Variants in IRX4 observed in about 807,000 individuals in gnomAD.
IRX4 encodes iroquois homeobox 4.
In IRX4, 22 loss-of-function variants were observed where a neutral mutation model predicts 32.0. The observed-to-expected ratio is 0.69, with a 90% CI of 0.49 to 0.98. The LOEUF (loss-of-function observed/expected upper bound fraction) is 0.98, where lower values mean the gene tolerates loss of function less well. IRX4 is among the 50% of genes least tolerant of loss of function. The probability of loss-of-function intolerance (pLI) is 0.00; values close to 1 mark genes in which losing one functional copy is unlikely to be tolerated. For synonymous variants in IRX4, 379 were observed against 351.7 expected (o/e 1.08, Z -0.87); for missense variants, 840 against 744.2 (o/e 1.13, Z -1.50).
At position 1,880,803 on chromosome 5, in the gene IRX4, G is replaced by C. The variant is rs775005577; in HGVS notation, c.329C>G (p.Ser110Cys). ...NSFDSKDGSG[S>C]AHGGLAPAAA... ...GGCTGGTGCCAGGCCCCCATGCGCA[G>C]ATCCCGAACCATCCTTGGAATCAAA... The change falls in exon 3 of 5, where the codon TCT (serine) becomes TGT (cysteine). Residue 110 changes from serine (S) to cysteine (C), a missense_variant. Coordinates refer to ENST00000231357, the MANE Select transcript of IRX4 (RefSeq NM_016358.3). The C allele has an allele frequency of 6.2e-7, 1 of 1,613,764 alleles. No homozygotes were observed. The highest frequency in any genetic ancestry group is 1.7e-5 in the Admixed American group (1 of 60,022).
upstream of IRX4, among the ~76,000 whole-genome samples, chr5:1,885,205 C>T (rs1002867334): frequency 6.6e-6 from 1 of 152,206 alleles, no homozygotes; most frequent in African/African-American, 2.4e-5. Flanking sequence ...GCATTTCCTT[C>T]CTTCCAGACC....
chr5:1,881,560 C>G (rs1735439275), intron 2 of IRX4, among the ~76,000 whole-genome samples: 1 of 148,644 alleles, frequency 6.7e-6, no homozygotes. Context: ...AATCTGCCAG[C>G]TGATGAGGAT....
upstream of IRX4, among the ~76,000 whole-genome samples, chr5:1,886,410 CCG>C (rs1299093052): frequency 1.3e-5 from 2 of 152,260 alleles, no homozygotes; most frequent in Non-Finnish European, 2.9e-5. Flanking sequence ...CTCGGGACAC[CCG>C]GCTGGGGTGT....
chr5:1,878,468 A>G lies in IRX4; in HGVS notation c.1061T>C (p.Val354Ala). The G allele has an allele frequency of 6.9e-7, 1 of 1,452,382 alleles. No homozygotes were observed. Among genetic ancestry groups the G allele is most frequent in the Non-Finnish European group, 9.0e-7 (1 of 1,108,512 alleles). The allele number at this position is 1,452,382 out of a possible 1,614,324, so 90.0% of individuals were successfully genotyped here. ...CAGGCCTGCCGACGCCCCCGCCGGCACAAACCCCAGCTTGGCCTCGCAGAC... is the reference window on the plus strand; with the variant it reads ...CAGGCCTGCCGACGCCCCCGCCGGCGCAAACCCCAGCTTGGCCTCGCAGAC... ...PQVCEAKLGF[V>A]PAGASAGLEA... Residue 354 changes from valine (V) to alanine (A), a missense_variant, in exon 5 of 5, where the codon GTG becomes GCG. By Grantham distance (64) the Val-to-Ala change is moderately conservative (BLOSUM62 0). Transcript: ENST00000231357.
chr5:1,880,581 G>C, intron 3 of IRX4, 144 bp downstream of exon 3: 1 of 629,162 alleles, frequency 1.6e-6, no homozygotes, highest in South Asian at 1.9e-5. Context: ...ACAGACCACA[G>C]ACTCAGGTCA....
upstream of IRX4, among the ~76,000 whole-genome samples, chr5:1,886,523 G>A (rs1343838116): frequency 2.0e-5 from 3 of 152,202 alleles, no homozygotes; most frequent in African/African-American, 7.2e-5. Context: ...GCCAGTGGTA[G>A]GAGAAGGAGC....
upstream of IRX4, chr5:1,886,725 G>A (rs1485889750): frequency 6.6e-6 from 1 of 150,394 alleles, no homozygotes; most frequent in African/African-American, 2.5e-5. Flanking sequence ...GCCCCGCGCC[G>A]GCCCGCGCAC....
chr5:1,885,416 C>T (rs1332379641), upstream of IRX4, among the ~76,000 whole-genome samples: 2 of 152,188 alleles, frequency 1.3e-5, no homozygotes, highest in Non-Finnish European at 2.9e-5. Flanking sequence ...GCTCCAGTCC[C>T]CACCAGCGGG....
intron 1 of IRX4, 55 bp from the exon 2 acceptor site, chr5:1,882,114 T>C: frequency 3.3e-6 from 5 of 1,515,372 alleles, no homozygotes; most frequent in Non-Finnish European, 4.4e-6. Flanking sequence ...GCTGGGGCCC[T>C]GGGCCTTGCC....
At position 1,878,784 on chromosome 5, in the gene IRX4, C is replaced by T; in HGVS notation, c.745G>A (p.Gly249Ser). 5.0e-6 allele frequency: 8 copies of T among 1,613,250 alleles called. No individual in the cohort carries two copies. Among genetic ancestry groups the T allele is most frequent in the Non-Finnish European group, 6.8e-6 (8 of 1,179,882 alleles). ...AGCTCCAGCTCCTTCTCCTCTTTGC[C>T]CACGGGCTCTGCGGGAGAGAATGCG... Reference protein sequence around the residue: ...LKSSKNAEPVGKEEKELELSD... With the variant: ...LKSSKNAEPVSKEEKELELSD... The change falls in exon 5 of 5, where the codon GGC (glycine) becomes AGC (serine). Residue 249 changes from glycine (G) to serine (S), a missense_variant. Physicochemically the swap from Gly to Ser is moderately conservative, Grantham distance 56. Transcript: ENST00000231357.
At chr5:1,879,431 T>TC in intron 4 of IRX4, 73 bp downstream of exon 4, 1 of 1,607,496 alleles carries the variant, frequency 6.2e-7, no homozygotes, top group South Asian at 1.1e-5. Context: ...CCCCAAGACG[T>TC]CCTAGAACCG....
chr5:1,879,786 C>G lies in IRX4; in HGVS notation c.454G>C (p.Glu152Gln). 1.2e-6 allele frequency: 2 copies of G among 1,614,118 alleles called. No homozygotes were observed. Among genetic ancestry groups the G allele is most frequent in the Non-Finnish European group, 1.7e-6 (2 of 1,180,034 alleles). The change falls in exon 4 of 5, where the codon GAG becomes CAG. Residue 152 changes from glutamate to glutamine, a missense_variant. Glu to Gln is a conservative substitution (Grantham distance 29). This residue lies in a region of IRX4 where 241 missense variants were observed against 220.8 expected (regional missense o/e 1.09). Coordinates refer to ENST00000231357, the MANE Select transcript of IRX4 (RefSeq NM_016358.3). ...CAGGCCTTGAGCGTGCTGGTGGTCTCGCGCGTGGCGTTCTTGCGCCGCGTG... is the reference window on the plus strand; with the variant it reads ...CAGGCCTTGAGCGTGCTGGTGGTCTGGCGCGTGGCGTTCTTGCGCCGCGTG... ...SGTRRKNATR[E>Q]TTSTLKAWLQ...
chr5:1,886,033 C>G (rs962342465), upstream of IRX4, among the ~76,000 whole-genome samples: 1 of 152,262 alleles, frequency 6.6e-6, no homozygotes, highest in Non-Finnish European at 1.5e-5. Flanking sequence ...TGGAGCGCTC[C>G]GAAGAGCGGA....
Position 1,877,954 on chromosome 5 carries a change from C to T in IRX4, c.*15G>A, listed in dbSNP as rs1413441818. On this transcript the variant is annotated 3_prime_UTR_variant, in exon 5 of 5. Transcript: ENST00000231357. ...CTGAGCGCGGGTTCCCTCCTGGGCT[C>T]GGGACCCGCCCGCCTCAGGCGCAGA... The T allele has an allele frequency of 6.7e-7, 1 of 1,490,908 alleles. No homozygotes were observed. Among genetic ancestry groups the T allele is most frequent in the Admixed American group, 2.2e-5 (1 of 45,856 alleles). 92.4% of individuals were successfully genotyped at this position (1,490,908 alleles called of 1,614,324 possible). A position where few individuals can be genotyped will look rare whatever the true frequency, so the allele number is the denominator to read the frequency against.
Position 1,877,897 on chromosome 5 carries a change from G to T in IRX4, c.*72C>A. 1 of 1,362,744 alleles carries T rather than the reference G, an allele frequency of 7.3e-7. No individual in the cohort carries two copies. The highest frequency in any genetic ancestry group is 9.9e-7 in the Non-Finnish European group (1 of 1,008,700). 84.4% of individuals were successfully genotyped at this position (1,362,744 alleles called of 1,614,324 possible). Reference sequence around the variant, plus strand: ...CGGTGGCCGCGCTAGTCTTCCTCTGGAAACTCAGTGAAAAGAGTCGGCGCC... The same window carrying T: ...CGGTGGCCGCGCTAGTCTTCCTCTGTAAACTCAGTGAAAAGAGTCGGCGCC... On this transcript the variant is annotated 3_prime_UTR_variant, in exon 5 of 5. Transcript: ENST00000231357.
At chr5:1,883,093 G>A (rs1336592685), upstream of IRX4, among the ~76,000 whole-genome samples, 1 of 152,120 alleles carries the variant, frequency 6.6e-6, no homozygotes, top group East Asian at 1.9e-4. Flanking sequence ...GGACAGTCCC[G>A]GCCGCGCGGT....
chr5:1,885,423 C>T (rs887885508), upstream of IRX4, among the ~76,000 whole-genome samples: 1 of 152,188 alleles, frequency 6.6e-6, no homozygotes, highest in Non-Finnish European at 1.5e-5. Flanking sequence ...TCCCCACCAG[C>T]GGGCGACCCT....
chr5:1,881,995 G>A lies in IRX4; in HGVS notation c.110C>T (p.Ser37Phe), dbSNP rs764623711. Residue 37 changes from serine (S) to phenylalanine (F), a missense_variant, in exon 2 of 5, where the codon TCC (serine) becomes TTC (phenylalanine). Physicochemically the swap from Ser to Phe is radical, Grantham distance 155 (BLOSUM62 -2). This residue lies in a region of IRX4 where 241 missense variants were observed against 220.8 expected (regional missense o/e 1.09). Coordinates refer to ENST00000231357, the MANE Select transcript of IRX4 (RefSeq NM_016358.3). ...CESGGRTLAD[S>F]GPAASAQAPV... Reference sequence around the variant, plus strand: ...CGCCTGGGCCGAGGCGGCGGGCCCGGAGTCCGCCAGCGTGCGGCCTCCGGA... The same window carrying A: ...CGCCTGGGCCGAGGCGGCGGGCCCGAAGTCCGCCAGCGTGCGGCCTCCGGA... The A allele has an allele frequency of 2.0e-5, 31 of 1,548,792 alleles. No individual in the cohort carries two copies. Among genetic ancestry groups the A allele is most frequent in the Non-Finnish European group, 2.7e-5 (31 of 1,146,796 alleles).
chr5:1,878,404 G>A lies in IRX4; in HGVS notation c.1125C>T (p.Ala375=). ...KPRIWSLAHT[A]TAAAAAATSL... ...AGGTGGCGGCGGCGGCGGCGGCGGT[G>A]GCTGTGTGGGCCAGGGACCAGATGC... The change falls in exon 5 of 5, where the codon GCC becomes GCT. Residue 375 remains alanine (A), a synonymous_variant. Coordinates refer to ENST00000231357, the MANE Select transcript of IRX4 (RefSeq NM_016358.3). The A allele has an allele frequency of 1.3e-6, 2 of 1,525,724 alleles. No homozygotes were observed. The highest frequency in any genetic ancestry group is 1.8e-6 in the Non-Finnish European group (2 of 1,140,974). 94.5% of individuals were successfully genotyped at this position (1,525,724 alleles called of 1,614,324 possible). A position where few individuals can be genotyped will look rare whatever the true frequency, so the allele number is the denominator to read the frequency against.
Sources: gnomAD v4.1 joint callset for allele counts (sites outside exome capture counted in the v4.1 genomes callset) on GRCh38, gnomAD v4.1.1 for gene constraint, gnomAD v4.1.1 regional missense constraint, MANE v1.5 for transcripts, NCBI Gene and HGNC (gene_info 2026-07-23, HGNC 2026-07-21) for gene names.